The following RNF152 variants were observed in gnomAD, a reference collection of about 807,000 sequenced individuals.
RNF152 encodes the protein ring finger protein 152.
Under a neutral mutation model 12.7 loss-of-function variants are expected in RNF152, and 11 were observed. The ratio of observed to expected loss-of-function variants is 0.86; its 90% confidence interval spans 0.54 to 1.43. RNF152 has a LOEUF of 1.43. Ranked by LOEUF, RNF152 falls within the 40% of genes most tolerant of loss-of-function variation. The probability of loss-of-function intolerance (pLI) is 0.00; values close to 1 mark genes in which losing one functional copy is unlikely to be tolerated. For synonymous variants in RNF152, 113 were observed against 120.3 expected (o/e 0.94, Z 0.40); for missense variants, 255 against 274.8 (o/e 0.93, Z 0.51).
intron 1 of RNF152, among the ~76,000 whole-genome samples, chr18:61,869,465 T>C (rs547425316): frequency 6.6e-6 from 1 of 152,310 alleles, no homozygotes; most frequent in African/African-American, 2.4e-5. Context: ...TGGAATGCCC[T>C]GTCACCTCAC....
chr18:61,890,820 G>A (rs1186850557), intron 1 of RNF152, among the ~76,000 whole-genome samples: 4 of 152,168 alleles, frequency 2.6e-5, no homozygotes, highest in African/African-American at 7.2e-5. Context: ...CCTCAACAAT[G>A]TAAGGACCGA....
At chr18:61,894,345 C>T (rs1356078398), upstream of RNF152, 1 of 151,444 alleles carries the variant, frequency 6.6e-6, no homozygotes, top group South Asian at 2.1e-4. The surrounding 1 kb of genome is among the most constrained non-coding windows in gnomAD (Gnocchi z 4.9). Context: ...GCACCCGGCC[C>T]GGCCCTTCGG....
intron 1 of RNF152, among the ~76,000 whole-genome samples, chr18:61,821,817 A>G (rs1223361034): frequency 1.3e-5 from 2 of 152,214 alleles, no homozygotes; most frequent in African/African-American, 4.8e-5. Flanking sequence ...CTTCACATGC[A>G]AGGGATCTAG....
intron 1 of RNF152, among the ~76,000 whole-genome samples, chr18:61,834,230 G>C (rs1910079745): frequency 6.6e-6 from 1 of 152,162 alleles, no homozygotes; most frequent in Non-Finnish European, 1.5e-5. Flanking sequence ...TTGGGATGCT[G>C]TCCTTTTGGT....
intron 1 of RNF152, among the ~76,000 whole-genome samples, chr18:61,842,473 G>C (rs1910496992): frequency 6.6e-6 from 1 of 152,156 alleles, no homozygotes; most frequent in Non-Finnish European, 1.5e-5. Flanking sequence ...TTGTCACAGG[G>C]GCTTTGTTTC....
At chr18:61,882,279 CTGTG>C (rs974665670) in intron 1 of RNF152, among the ~76,000 whole-genome samples, 3 of 152,196 alleles carry the variant, frequency 2.0e-5, no homozygotes, top group Non-Finnish European at 4.4e-5. Context: ...ATATTTAGCA[CTGTG>C]TGTGTAAAAA....
At chr18:61,842,675 G>T (rs1034637569) in intron 1 of RNF152, among the ~76,000 whole-genome samples, 2 of 152,180 alleles carry the variant, frequency 1.3e-5, no homozygotes, top group Non-Finnish European at 2.9e-5. Flanking sequence ...ATTTACAAAA[G>T]AAAGAGGTTT....
Position 61,816,076 on chromosome 18 carries a change from C to T in RNF152, c.388G>A (p.Val130Ile), listed in dbSNP as rs143882510. The change falls in exon 2 of 2, where the codon GTC (valine) becomes ATC (isoleucine). Residue 130 changes from valine to isoleucine, a missense_variant. By Grantham distance (29) the Val-to-Ile change is conservative. Coordinates refer to ENST00000312828, the MANE Select transcript of RNF152 (RefSeq NM_173557.3). Reference protein sequence around the residue: ...RLLPGSQQKSVTVVTIPAEQQ... With the variant: ...RLLPGSQQKSITVVTIPAEQQ... Reference sequence around the variant, plus strand: ...TCAGCAGGGATGGTCACCACGGTGACGGACTTCTGCTGGCTCCCGGGCAGC... The same window carrying T: ...TCAGCAGGGATGGTCACCACGGTGATGGACTTCTGCTGGCTCCCGGGCAGC... 1.4e-4 allele frequency: 223 copies of T among 1,614,214 alleles called. 1 individual carries two copies. The African/African-American group carries it at 2.0e-3, about 14-fold the overall frequency.
chr18:61,835,489 G>T (rs28701654), intron 1 of RNF152, among the ~76,000 whole-genome samples: 2 of 151,968 alleles, frequency 1.3e-5, no homozygotes, highest in Non-Finnish European at 2.9e-5. Context: ...TAAGGGAAAG[G>T]TTCATGAATA....
intron 1 of RNF152, among the ~76,000 whole-genome samples, chr18:61,833,867 G>A (rs1910063051): frequency 6.8e-6 from 1 of 146,050 alleles, no homozygotes; most frequent in East Asian, 1.9e-4. Context: ...TTCATAACCT[G>A]GTTGCCATTT....
intron 1 of RNF152, among the ~76,000 whole-genome samples, chr18:61,881,099 A>C (rs1413880541): frequency 6.6e-6 from 1 of 152,000 alleles, no homozygotes; most frequent in Non-Finnish European, 1.5e-5. Flanking sequence ...TTTTTAGTAG[A>C]GATAGGGTTT....
At chr18:61,829,495 G>GGA (rs1909830154) in intron 1 of RNF152, among the ~76,000 whole-genome samples, 2 of 151,058 alleles carry the variant, frequency 1.3e-5, no homozygotes, top group African/African-American at 2.4e-5. Context: ...AGGAGAGAGG[G>GGA]GAGAGAGAGA....
At chr18:61,878,573 C>T (rs1463520055) in intron 1 of RNF152, among the ~76,000 whole-genome samples, 1 of 152,210 alleles carries the variant, frequency 6.6e-6, no homozygotes, top group Non-Finnish European at 1.5e-5. Context: ...TGTGCTGCTA[C>T]AACAAAATAC....
chr18:61,879,111 C>T (rs895852392), intron 1 of RNF152, among the ~76,000 whole-genome samples: 2 of 152,132 alleles, frequency 1.3e-5, no homozygotes, highest in Non-Finnish European at 2.9e-5. Flanking sequence ...ATCTGGGTCG[C>T]ATATCTGTGG....
chr18:61,818,517 A>T (rs540727762), intron 1 of RNF152, among the ~76,000 whole-genome samples: 4 of 152,250 alleles, frequency 2.6e-5, no homozygotes, highest in Non-Finnish European at 5.9e-5. Flanking sequence ...CAATGAAAAG[A>T]TCAACATACT....
chr18:61,813,830 T>C lies in RNF152; in HGVS notation c.*2022A>G, dbSNP rs1334764373. 6.6e-6 allele frequency: 1 copy of C among 152,168 alleles called. No individual in the cohort carries two copies. The highest frequency in any genetic ancestry group is 2.4e-5 in the African/African-American group (1 of 41,430). The allele number at this position is 152,168 out of a possible 1,614,324, so 9.4% of individuals were successfully genotyped here. A position where few individuals can be genotyped will look rare whatever the true frequency, so the allele number is the denominator to read the frequency against. Reference sequence around the variant, plus strand: ...ATTTTCCTCCAAGAGAAATAGAAATTAGGTCAGACATGCATTATGGCAGCC... The same window carrying C: ...ATTTTCCTCCAAGAGAAATAGAAATCAGGTCAGACATGCATTATGGCAGCC... On this transcript the variant is annotated 3_prime_UTR_variant, in exon 2 of 2. Transcript: ENST00000312828.
chr18:61,884,748 G>C (rs1193023353), intron 1 of RNF152, among the ~76,000 whole-genome samples: 1 of 152,054 alleles, frequency 6.6e-6, no homozygotes, highest in African/African-American at 2.4e-5. Flanking sequence ...TAGTAGAGAC[G>C]GGGTTTCTCC....
At chr18:61,823,426 G>T (rs1909511759) in intron 1 of RNF152, among the ~76,000 whole-genome samples, 1 of 152,162 alleles carries the variant, frequency 6.6e-6, no homozygotes, top group Non-Finnish European at 1.5e-5. Flanking sequence ...CTCCTGAGTA[G>T]CTGGGATTAC....
chr18:61,811,838 A>T lies in RNF152; in HGVS notation c.*4014T>A, dbSNP rs2144599614. On this transcript the variant is annotated 3_prime_UTR_variant, in exon 2 of 2. Coordinates refer to ENST00000312828, the MANE Select transcript of RNF152 (RefSeq NM_173557.3). ...CTTGCAAGTCAAACGTTTTACAGGTACTGTCTAACTACTATTTTTGGACAA... is the reference window on the plus strand; with the variant it reads ...CTTGCAAGTCAAACGTTTTACAGGTTCTGTCTAACTACTATTTTTGGACAA... The T allele has an allele frequency of 6.6e-6, 1 of 152,332 alleles. No homozygotes were observed. Among genetic ancestry groups the T allele is most frequent in the South Asian group, 2.1e-4 (1 of 4,830 alleles). 9.4% of individuals were successfully genotyped at this position (152,332 alleles called of 1,614,324 possible). A position where few individuals can be genotyped will look rare whatever the true frequency, so the allele number is the denominator to read the frequency against.
Sources: allele counts gnomAD v4.1 joint callset (sites outside exome capture counted in the v4.1 genomes callset), GRCh38; gene constraint gnomAD v4.1.1; non-coding constraint Gnocchi (gnomAD v3.1); transcripts MANE v1.5; gene names NCBI Gene and HGNC (gene_info 2026-07-23, HGNC 2026-07-21).